The following RARA variants were observed in gnomAD, a reference collection of about 807,000 sequenced individuals.
The protein encoded by RARA is PML-DDX5-RARA fusion.
RARA carries 5 observed loss-of-function variants against 42.8 expected under a neutral mutation model. That is an observed-to-expected ratio of 0.12 (90% confidence interval 0.06 to 0.25). The LOEUF is 0.25. Ranked by LOEUF, RARA falls within the 10% of genes least tolerant of loss-of-function variation. The pLI is 1.00. For synonymous variants in RARA, 256 were observed against 259.5 expected (o/e 0.99, Z 0.13); for missense variants, 402 against 628.7 (o/e 0.64, Z 3.86).
intron 2 of RARA, among the ~76,000 whole-genome samples, chr17:40,333,169 C>T (rs1187283111): frequency 6.6e-6 from 1 of 152,150 alleles, no homozygotes; most frequent in Non-Finnish European, 1.5e-5. Context: ...TCCGCTTCGG[C>T]CTCCCATGTA....
At position 40,352,476 on chromosome 17, in the gene RARA, C is replaced by G; in HGVS notation, c.776C>G (p.Thr259Ser). Residue 259 changes from threonine (T) to serine (S), a missense_variant, in exon 6 of 9, where the codon ACC becomes AGC. Around this residue, in one of 5 missense-constraint regions of RARA, gnomAD observed 130 missense variants for 267.9 expected, o/e 0.49. Transcript: ENST00000254066. This position sits in a 1 kb window ranked among gnomAD's most constrained non-coding sequence, Gnocchi z 4.9. ...ACCCTCACCATCGCCGACCAGATCA[C>G]CCTCCTCAAGGCTGCCTGCCTGGAC... ...FTTLTIADQI[T>S]LLKAACLDIL... is the part of the protein sequence containing the mutation. 1 of 1,612,794 alleles carries G rather than the reference C, an allele frequency of 6.2e-7. No homozygotes were observed. The highest frequency in any genetic ancestry group is 8.5e-7 in the Non-Finnish European group (1 of 1,179,266).
intron 3 of RARA, 98 bp from the exon 4 acceptor site, chr17:40,349,686 G>A: frequency 6.7e-7 from 1 of 1,489,514 alleles, no homozygotes; most frequent in Non-Finnish European, 9.2e-7. Context: ...CTTGGGGGCA[G>A]CAGCTGGCCT....
At chr17:40,341,520 C>A in intron 2 of RARA, 3 of 1,481,458 alleles carry the variant, frequency 2.0e-6, no homozygotes, top group Non-Finnish European at 2.7e-6. Flanking sequence ...CGCCGCTCTC[C>A]GCGTCTCCGG....
At position 40,356,839 on chromosome 17, in the gene RARA, A is replaced by G; in HGVS notation, c.*613A>G. ...TGTGCTGTGTATTGGGGGGAGCTGG[A>G]TCCAGAGCTGGAGGGGGTGGGTCCG... On this transcript the variant is annotated 3_prime_UTR_variant, in exon 9 of 9. Coordinates refer to ENST00000254066, the MANE Select transcript of RARA (RefSeq NM_000964.4). 1 of 281,516 alleles carries G rather than the reference A, an allele frequency of 3.6e-6. No homozygotes were observed. The highest frequency in any genetic ancestry group is 6.7e-6 in the Non-Finnish European group (1 of 149,598). 17.4% of individuals were successfully genotyped at this position (281,516 alleles called of 1,614,324 possible).
intron 1 of RARA, among the ~76,000 whole-genome samples, chr17:40,330,591 C>T (rs545502313): frequency 6.6e-6 from 1 of 152,290 alleles, no homozygotes; most frequent in Admixed American, 6.5e-5. Context: ...CACTGTGGAC[C>T]CTTTCCCCTC....
intron 2 of RARA, among the ~76,000 whole-genome samples, chr17:40,344,700 T>G (rs1598572435): frequency 6.6e-6 from 1 of 152,274 alleles, no homozygotes; most frequent in East Asian, 1.9e-4. Flanking sequence ...GAGGCCTGGG[T>G]TTCCAGTTCC....
rs2034650700 is a variant in RARA at position 40,356,909 on chromosome 17, C to T, written c.*683C>T. On this transcript the variant is annotated 3_prime_UTR_variant, in exon 9 of 9. Coordinates refer to ENST00000254066, the MANE Select transcript of RARA (RefSeq NM_000964.4). The stretch of plus-strand genomic sequence containing the variant: ...AGGGGCCCCCACTCTCCTTTCATGT[C>T]CCTGTGCCCCCCAGTTCTCCTCCTC... 3 of 407,098 alleles carry T rather than the reference C, an allele frequency of 7.4e-6. No individual in the cohort carries two copies. 25.2% of individuals were successfully genotyped at this position (407,098 alleles called of 1,614,324 possible).
chr17:40,332,939 T>C (rs1201932158), intron 2 of RARA, among the ~76,000 whole-genome samples: 1 of 152,234 alleles, frequency 6.6e-6, no homozygotes, highest in Non-Finnish European at 1.5e-5. Context: ...CATTGGTGTA[T>C]CTTTGTAGAA....
At chr17:40,314,529 A>C (rs1304775234) in intron 1 of RARA, among the ~76,000 whole-genome samples, 2 of 150,374 alleles carry the variant, frequency 1.3e-5, no homozygotes, top group Non-Finnish European at 3.0e-5. Context: ...GGGGTCTCAC[A>C]AAACTTGTTG....
intron 1 of RARA, among the ~76,000 whole-genome samples, chr17:40,312,230 C>T (rs2033109576): frequency 6.6e-6 from 1 of 152,218 alleles, no homozygotes. Flanking sequence ...GGGAAGGTTT[C>T]CCTCTAGACC....
At position 40,351,785 on chromosome 17, in the gene RARA, C is replaced by T. The variant is rs1598584083; in HGVS notation, c.470-125C>T. 3 of 1,279,068 alleles carry T rather than the reference C, an allele frequency of 2.3e-6. No individual in the cohort carries two copies. Among genetic ancestry groups the T allele is most frequent in the African/African-American group, 1.5e-5 (1 of 65,836 alleles). 79.2% of individuals were successfully genotyped at this position (1,279,068 alleles called of 1,614,324 possible). ...TGCCTTGCCTGCCCGTGAACGCGTG[C>T]TGTGTGCGCGTGCTTACAAGCCTGG... On this transcript the variant is annotated intron_variant, in intron 4 of 8. Transcript: ENST00000254066. The surrounding 1 kb of genome is among the most constrained non-coding windows in gnomAD (Gnocchi z 4.1).
chr17:40,314,930 C>T (rs116012720), intron 1 of RARA, among the ~76,000 whole-genome samples: 326 of 151,714 alleles, frequency 2.1e-3, no homozygotes, highest in African/African-American at 7.4e-3. Flanking sequence ...TCTGGCATGT[C>T]CTGGCCCCAC....
At position 40,324,281 on chromosome 17, in the gene RARA, C is replaced by G. The variant is rs560277905; in HGVS notation, c.-362-6576C>G. Among the ~76,000 whole-genome samples, 7 of 152,222 alleles carry G rather than the reference C, an allele frequency of 4.6e-5. No individual in the cohort carries two copies. The East Asian group carries it at 1.4e-3, about 29-fold the overall frequency. The stretch of plus-strand genomic sequence containing the variant: ...CTGGCTGTGGCCTCAGTAGGCTCAT[C>G]TCTTCCTCTTCCCATTTTTTTTTTC... On this transcript the variant is annotated intron_variant, in intron 1 of 8. Coordinates refer to ENST00000254066, the MANE Select transcript of RARA (RefSeq NM_000964.4).
At chr17:40,319,686 G>T (rs987357176) in intron 1 of RARA, among the ~76,000 whole-genome samples, 10 of 152,082 alleles carry the variant, frequency 6.6e-5, no homozygotes, top group Admixed American at 6.5e-4. Context: ...GTTCTGTAAG[G>T]ACCTTCCAGG....
Position 40,356,508 on chromosome 17 carries a change from C to A in RARA, c.*282C>A. On this transcript the variant is annotated 3_prime_UTR_variant, in exon 9 of 9. Transcript: ENST00000254066. ...GGGTCTCAGGATGGGTCCTGGGGGC[C>A]TCGTGTTCATCAAGACACCCCTCTG... The A allele has an allele frequency of 1.5e-6, 1 of 665,902 alleles. No individual in the cohort carries two copies. Among genetic ancestry groups the A allele is most frequent in the Non-Finnish European group, 2.8e-6 (1 of 361,130 alleles). The allele number at this position is 665,902 out of a possible 1,614,324, so 41.2% of individuals were successfully genotyped here. A position where few individuals can be genotyped will look rare whatever the true frequency, so the allele number is the denominator to read the frequency against.
intron 1 of RARA, among the ~76,000 whole-genome samples, chr17:40,316,432 G>C (rs538260305): frequency 6.6e-6 from 1 of 152,356 alleles, no homozygotes; most frequent in South Asian, 2.1e-4. Context: ...ACGTGGAAAT[G>C]CATTTGTACC....
chr17:40,319,823 CG>C (rs578041216), intron 1 of RARA, among the ~76,000 whole-genome samples: 42 of 132,426 alleles, frequency 3.2e-4, no homozygotes, highest in East Asian at 1.2e-3. Context: ...TGGAGGGGGC[CG>C]GGGGGGGCGG....
chr17:40,348,303 CTT>C lies in RARA; in HGVS notation c.179-12_179-11del. 1 of 1,564,432 alleles carries C rather than the reference CTT, an allele frequency of 6.4e-7. No homozygotes were observed. Among genetic ancestry groups the C allele is most frequent in the South Asian group, 1.2e-5 (1 of 83,984 alleles). ...CTAGGTCTCTAACTGCCCCTCCCCT[CTT>C]CTCTCTCTAGCCATTGAGACCCAGA... On this transcript the variant is annotated splice_polypyrimidine_tract_variant and intron_variant, in intron 2 of 8. Transcript: ENST00000254066.
chr17:40,315,168 A>G (rs1031536420), intron 1 of RARA, among the ~76,000 whole-genome samples: 4 of 135,564 alleles, frequency 3.0e-5, no homozygotes, highest in African/African-American at 1.1e-4. Context: ...ATATATATAT[A>G]TATACACACA....
Sources: gnomAD v4.1 joint callset for allele counts (sites outside exome capture counted in the v4.1 genomes callset) on GRCh38, gnomAD v4.1.1 for gene constraint, gnomAD v4.1.1 regional missense constraint, Gnocchi (gnomAD v3.1) non-coding constraint, MANE v1.5 for transcripts, NCBI Gene and HGNC (gene_info 2026-07-23, HGNC 2026-07-21) for gene names.